ACTR1B: variants seen among roughly 807,000 people sequenced by gnomAD.
The protein encoded by ACTR1B is actin related protein 1B.
Under a neutral mutation model 49.4 loss-of-function variants are expected in ACTR1B, and 34 were observed. The ratio of observed to expected loss-of-function variants is 0.69; its 90% CI spans 0.52 to 0.92. The LOEUF (loss-of-function observed/expected upper bound fraction) is 0.92, where lower values mean the gene tolerates loss of function less well. Among genes scored for constraint, ACTR1B ranks in the 40% least tolerant of loss-of-function variants. The pLI is 0.00. For missense variants in ACTR1B, 471 were observed against 522.4 expected, an observed-to-expected ratio of 0.90 and a Z score of 0.96; for synonymous variants, 207 against 207.8, an observed-to-expected ratio of 1.00 and a Z score of 0.03.
Position 97,659,559 on chromosome 2 carries a change from T to C in ACTR1B, c.190-82A>G. The C allele has an allele frequency of 2.9e-6, 1 of 350,050 alleles. No individual in the cohort carries two copies. The highest frequency in any genetic ancestry group is 6.0e-6 in the Non-Finnish European group (1 of 166,834). The allele number at this position is 350,050 out of a possible 1,614,324, so 21.7% of individuals were successfully genotyped here. On this transcript the variant is annotated intron_variant, in intron 3 of 10. Coordinates refer to ENST00000289228, the MANE Select transcript of ACTR1B (RefSeq NM_005735.4). The surrounding 1 kb of genome is among the most constrained non-coding windows in gnomAD (Gnocchi z 4.0). ...GCCCTCCTGGAAGCTGACCCTCACC[T>C]GCCCTGACCAGAACCTCACCTGCCC...
In ACTR1B at chr2:97,658,244, G is replaced by A; in HGVS notation, c.730C>T (p.Pro244Ser). 1.2e-6 allele frequency: 2 copies of A among 1,614,172 alleles called. No homozygotes were observed. The highest frequency in any genetic ancestry group is 1.7e-6 in the Non-Finnish European group (2 of 1,180,040). The change falls in exon 7 of 11, where the codon CCA becomes TCA. Residue 244 changes from proline (P) to serine (S), a missense_variant. Coordinates refer to ENST00000289228, the MANE Select transcript of ACTR1B (RefSeq NM_005735.4). The surrounding 1 kb of genome is among the most constrained non-coding windows in gnomAD (Gnocchi z 5.9). ...CTTACATCAAGCGTGCTGCCGTCTG[G>A]CAACGTGTACTGCACCTTCTCCGTC... is the stretch of plus-strand genomic sequence containing the variant. The part of the protein sequence containing the change: ...LETEKVQYTL[P>S]DGSTLDVGPA...
Position 97,656,620 on chromosome 2 carries a change from T to C in ACTR1B, c.*238A>G. On this transcript the variant is annotated 3_prime_UTR_variant, in exon 11 of 11. Coordinates refer to ENST00000289228, the MANE Select transcript of ACTR1B (RefSeq NM_005735.4). Reference sequence around the variant, plus strand: ...GGGGGATACCCACAACAGCCTGACATGGCGCTCAATTCCCACACGCCAGCT... The same window carrying C: ...GGGGGATACCCACAACAGCCTGACACGGCGCTCAATTCCCACACGCCAGCT... 1 of 505,488 alleles carries C rather than the reference T, an allele frequency of 2.0e-6. No homozygotes were observed. The highest frequency in any genetic ancestry group is 3.6e-6 in the Non-Finnish European group (1 of 280,830). The allele number at this position is 505,488 out of a possible 1,614,324, so 31.3% of individuals were successfully genotyped here.
Position 97,658,302 on chromosome 2 carries a change from C to G in ACTR1B, c.672G>C (p.Leu224=), listed in dbSNP as rs1024871070. 1.2e-5 allele frequency: 20 copies of G among 1,614,236 alleles called. No individual in the cohort carries two copies. The highest frequency in any genetic ancestry group is 1.7e-5 in the Non-Finnish European group (20 of 1,180,038). ...CCTCATCCTTCTGTGGGTTGATGGA[C>G]AGGTAGCACGCTCGCTGCGGGGACA... ...VRTIKERACY[L]SINPQKDEAL... is the part of the protein sequence containing the mutation. The change falls in exon 7 of 11, where the codon CTG becomes CTC. Residue 224 remains leucine, a synonymous_variant. Coordinates refer to ENST00000289228, the MANE Select transcript of ACTR1B (RefSeq NM_005735.4). This position sits in a 1 kb window ranked among gnomAD's most constrained non-coding sequence, Gnocchi z 5.9.
chr2:97,662,358 A>G (rs935875573), intron 1 of ACTR1B, among the ~76,000 whole-genome samples: 1 of 151,874 alleles, frequency 6.6e-6, no homozygotes, highest in Non-Finnish European at 1.5e-5. Flanking sequence ...AGGATTCCAT[A>G]GCACATGCTA....
intron 1 of ACTR1B, 127 bp from the exon 2 acceptor site, chr2:97,662,073 AT>A (rs1675025006): frequency 1.1e-6 from 1 of 886,028 alleles, no homozygotes; most frequent in African/African-American, 1.7e-5. Context: ...TGCCAGGATC[AT>A]TTACAAGTAC....
In ACTR1B at chr2:97,659,310, G is replaced by A. The variant is rs1674948513; in HGVS notation, c.315+42C>T. The A allele has an allele frequency of 1.2e-6, 2 of 1,612,614 alleles. No homozygotes were observed. The highest frequency in any genetic ancestry group is 1.7e-6 in the Non-Finnish European group (2 of 1,179,726). ...GAGGGACGCAGAGGAGAGGGGCATGGCCAGGAGAATGCAGAGCATGCAGGA... is the reference window on the plus strand; with the variant it reads ...GAGGGACGCAGAGGAGAGGGGCATGACCAGGAGAATGCAGAGCATGCAGGA... On this transcript the variant is annotated intron_variant, in intron 4 of 10. Coordinates refer to ENST00000289228, the MANE Select transcript of ACTR1B (RefSeq NM_005735.4). The surrounding 1 kb of genome is among the most constrained non-coding windows in gnomAD (Gnocchi z 4.0).
At chr2:97,663,483 G>A (rs543621653) in intron 1 of ACTR1B, among the ~76,000 whole-genome samples, 1 of 152,204 alleles carries the variant, frequency 6.6e-6, no homozygotes, top group Non-Finnish European at 1.5e-5. Flanking sequence ...AGGGCCGAAG[G>A]ACGCGGAAAG....
In ACTR1B at chr2:97,659,678, C is replaced by G; in HGVS notation, c.190-201G>C. The G allele has an allele frequency of 1.5e-6, 1 of 686,682 alleles. No individual in the cohort carries two copies. The highest frequency in any genetic ancestry group is 2.8e-5 in the East Asian group (1 of 36,348). The allele number at this position is 686,682 out of a possible 1,614,324, so 42.5% of individuals were successfully genotyped here. ...CACCTGCCCACCAGCTTCTTAGGCT[C>G]TTAGAGCCCAGCTAGCTTCAGCTGG... is the stretch of plus-strand genomic sequence containing the variant. On this transcript the variant is annotated intron_variant, in intron 3 of 10. Transcript: ENST00000289228. This position sits in a 1 kb window ranked among gnomAD's most constrained non-coding sequence, Gnocchi z 4.0.
chr2:97,657,848 G>A, intron 8 of ACTR1B, 95 bp downstream of exon 8: 28 of 1,447,998 alleles, frequency 1.9e-5, no homozygotes, highest in Non-Finnish European at 2.5e-5. Context: ...CCACCAAAAA[G>A]CCAACAGAAT....
In ACTR1B at chr2:97,658,380, C is replaced by A. The variant is rs748669123; in HGVS notation, c.657+47G>T. ...TGGGACACCTGTGCCTTGGTGCCAC[C>A]CTTTCCTCACCCCAGGTCGTGTCCA... On this transcript the variant is annotated intron_variant, in intron 6 of 10. Transcript: ENST00000289228. The surrounding 1 kb of genome is among the most constrained non-coding windows in gnomAD (Gnocchi z 5.9). 2.5e-6 allele frequency: 4 copies of A among 1,613,494 alleles called. No homozygotes were observed. Among genetic ancestry groups the A allele is most frequent in the East Asian group, 4.5e-5 (2 of 44,864 alleles).
In ACTR1B at chr2:97,656,968, G is replaced by A. The variant is rs757255345; in HGVS notation, c.1029-8C>T. The A allele has an allele frequency of 6.3e-7, 1 of 1,589,552 alleles. No homozygotes were observed. Among genetic ancestry groups the A allele is most frequent in the Non-Finnish European group, 8.6e-7 (1 of 1,167,228 alleles). On this transcript the variant is annotated splice_region_variant and splice_polypyrimidine_tract_variant and intron_variant, in intron 10 of 10. Coordinates refer to ENST00000289228, the MANE Select transcript of ACTR1B (RefSeq NM_005735.4). ...GAGGCCAGGATGGAGCCGCTGTGGG[G>A]ATGGAGGGATAGTATTGCTGTGGAC...
intron 1 of ACTR1B, 85 bp downstream of exon 1, chr2:97,663,758 G>C: frequency 2.3e-6 from 2 of 881,296 alleles, no homozygotes; most frequent in Non-Finnish European, 2.9e-6. Context: ...AGGACGCGCC[G>C]AGGCGGGCGG....
At chr2:97,660,010 A>C (rs2104503493) in intron 3 of ACTR1B, 1 of 177,354 alleles carries the variant, frequency 5.6e-6, no homozygotes, top group South Asian at 1.2e-4. Flanking sequence ...AGCTCCTCTC[A>C]CCACCTCGGC....
Position 97,659,104 on chromosome 2 carries a change from A to C in ACTR1B, c.316-101T>G. ...ACACCCGCTGGCGCACAGGCAGCTCAGCCTCCTACCCCTCCTGAGGGCCCC... is the reference window on the plus strand; with the variant it reads ...ACACCCGCTGGCGCACAGGCAGCTCCGCCTCCTACCCCTCCTGAGGGCCCC... On this transcript the variant is annotated intron_variant, in intron 4 of 10. Coordinates refer to ENST00000289228, the MANE Select transcript of ACTR1B (RefSeq NM_005735.4). This position sits in a 1 kb window ranked among gnomAD's most constrained non-coding sequence, Gnocchi z 4.0. 3 of 1,562,144 alleles carry C rather than the reference A, an allele frequency of 1.9e-6. No individual in the cohort carries two copies. Among genetic ancestry groups the C allele is most frequent in the Non-Finnish European group, 2.6e-6 (3 of 1,143,550 alleles).
intron 2 of ACTR1B, 63 bp downstream of exon 2, chr2:97,661,819 A>G: frequency 6.6e-7 from 1 of 1,510,914 alleles, no homozygotes; most frequent in South Asian, 1.2e-5. Flanking sequence ...CCTGTGACAG[A>G]AGGCCAATGT....
rs758487287 is a variant in ACTR1B, at chr2:97,658,974, G to A, written c.345C>T (p.Leu115=). ...EHPVLLTEAP[L]NPSKNREKAA... Reference sequence around the variant, plus strand: ...CCTTCTCCCGGTTCTTACTCGGGTTGAGCGGGGCCTCCGTGAGGAGCACAG... The same window carrying A: ...CCTTCTCCCGGTTCTTACTCGGGTTAAGCGGGGCCTCCGTGAGGAGCACAG... The change falls in exon 5 of 11, where the codon CTC becomes CTT. Residue 115 remains leucine, a synonymous_variant. Coordinates refer to ENST00000289228, the MANE Select transcript of ACTR1B (RefSeq NM_005735.4). The surrounding 1 kb of genome is among the most constrained non-coding windows in gnomAD (Gnocchi z 5.9). The A allele has an allele frequency of 4.3e-6, 7 of 1,614,040 alleles. No individual in the cohort carries two copies. In the African/African-American group the frequency reaches 5.3e-5, roughly 12 times the overall value.
chr2:97,657,308 A>C lies in ACTR1B; in HGVS notation c.988-116T>G, dbSNP rs1415271023. 10 of 1,504,476 alleles carry C rather than the reference A, an allele frequency of 6.6e-6. No individual in the cohort carries two copies. In the East Asian group the frequency reaches 2.3e-4, roughly 34 times the overall value. 93.2% of individuals were successfully genotyped at this position (1,504,476 alleles called of 1,614,324 possible). A position where few individuals can be genotyped will look rare whatever the true frequency, so the allele number is the denominator to read the frequency against. ...CTGACAGCAAAGGCATAAGCTGGGG[A>C]GTGGCAGCAGCAGCCTTGGGAAGAA... On this transcript the variant is annotated intron_variant, in intron 9 of 10. Transcript: ENST00000289228.
At chr2:97,661,821 G>A in intron 2 of ACTR1B, 61 bp downstream of exon 2, 1 of 1,514,056 alleles carries the variant, frequency 6.6e-7, no homozygotes, top group South Asian at 1.2e-5. Flanking sequence ...TGTGACAGAA[G>A]GCCAATGTTC....
chr2:97,662,613 G>A (rs11886025), intron 1 of ACTR1B, among the ~76,000 whole-genome samples: 20,510 of 151,876 alleles, frequency 0.14, 2,248 homozygotes, highest in African/African-American at 0.3. Context: ...CCCAAAGAAC[G>A]GGGCAATTAG....
Sources: gnomAD v4.1 joint callset for allele counts (sites outside exome capture counted in the v4.1 genomes callset) on GRCh38, gnomAD v4.1.1 for gene constraint, Gnocchi (gnomAD v3.1) non-coding constraint, MANE v1.5 for transcripts, NCBI Gene and HGNC (gene_info 2026-07-23, HGNC 2026-07-21) for gene names.